Variants in MAPRE2 observed in about 807,000 individuals in gnomAD.
The protein encoded by MAPRE2 is microtubule-associated protein RP/EB family member 2.
MAPRE2 carries 13 observed loss-of-function variants against 43.2 expected under a neutral mutation model. The observed-to-expected ratio is 0.30, with a 90% CI of 0.20 to 0.48. The LOEUF (loss-of-function observed/expected upper bound fraction) is 0.48, where lower values mean the gene tolerates loss of function less well. Among genes scored for constraint, MAPRE2 ranks in the 20% least tolerant of loss-of-function variants. The pLI is 0.99. For missense variants in MAPRE2, 161 were observed against 400.2 expected, an observed-to-expected ratio of 0.40 and a Z score of 5.10; for synonymous variants, 135 against 148.8, an observed-to-expected ratio of 0.91 and a Z score of 0.68.
At chr18:35,069,093 G>C (rs902808084) in intron 1 of MAPRE2, among the ~76,000 whole-genome samples, 1 of 152,162 alleles carries the variant, frequency 6.6e-6, no homozygotes, top group Non-Finnish European at 1.5e-5. Context: ...GAGGACAGCG[G>C]AACATGTTAA....
At chr18:34,979,357 G>T (rs1163522516) in intron 1 of MAPRE2, among the ~76,000 whole-genome samples, 2 of 152,200 alleles carry the variant, frequency 1.3e-5, no homozygotes, top group Admixed American at 6.5e-5. Context: ...GCTGCACAGC[G>T]ATCCCAGTGA....
Position 35,064,890 on chromosome 18 carries a change from G to A in MAPRE2, c.123-5305G>A, listed in dbSNP as rs78992744. ...GGCTTTCCTTTTTCTAAAGTCATGT[G>A]TATCAGTGGTCACTATCCACAGACA... On this transcript the variant is annotated intron_variant, in intron 1 of 6. Coordinates refer to ENST00000300249, the MANE Select transcript of MAPRE2 (RefSeq NM_014268.4). Among the ~76,000 whole-genome samples, 8 of 152,334 alleles carry A rather than the reference G, an allele frequency of 5.3e-5. No individual in the cohort carries two copies. The East Asian group carries it at 1.5e-3, about 29-fold the overall frequency.
chr18:35,072,679 G>A (rs1477489879), intron 2 of MAPRE2, among the ~76,000 whole-genome samples: 4 of 152,144 alleles, frequency 2.6e-5, no homozygotes, highest in Non-Finnish European at 5.9e-5. Flanking sequence ...AATTTTAAGG[G>A]ACATTTGTAA....
intron 1 of MAPRE2, among the ~76,000 whole-genome samples, chr18:35,003,081 G>A (rs1208520560): frequency 6.6e-6 from 1 of 152,104 alleles, no homozygotes; most frequent in African/African-American, 2.4e-5. Flanking sequence ...CGTAAAGTGT[G>A]AGACTTGCAG....
intron 1 of MAPRE2, among the ~76,000 whole-genome samples, chr18:34,990,489 T>C (rs557256021): frequency 3.5e-4 from 53 of 152,268 alleles, no homozygotes; most frequent in African/African-American, 1.2e-3. Flanking sequence ...TTGGGATATT[T>C]TTGTCTGGAA....
At chr18:35,008,894 C>A (rs1443002624) in intron 2 of MAPRE2, among the ~76,000 whole-genome samples, 3 of 152,002 alleles carry the variant, frequency 2.0e-5, no homozygotes, top group African/African-American at 7.2e-5. Context: ...TTAATTTATT[C>A]AATAGTATTT....
intron 1 of MAPRE2, among the ~76,000 whole-genome samples, chr18:35,003,788 A>C (rs150292577): frequency 1.6e-4 from 25 of 152,354 alleles, no homozygotes; most frequent in Non-Finnish European, 3.7e-4. Flanking sequence ...TGAAGGACTT[A>C]AGAATAGAAA....
At chr18:35,137,036 G>GT (rs1910420297) in intron 6 of MAPRE2, among the ~76,000 whole-genome samples, 2 of 152,188 alleles carry the variant, frequency 1.3e-5, no homozygotes, top group Non-Finnish European at 2.9e-5. Flanking sequence ...GAAAAAGATT[G>GT]TTTTTTCCTG....
chr18:35,053,189 T>C (rs879532486), intron 1 of MAPRE2, among the ~76,000 whole-genome samples: 2 of 151,876 alleles, frequency 1.3e-5, no homozygotes, highest in African/African-American at 2.4e-5. Flanking sequence ...AGGTCAGGAG[T>C]TTGAGATCAG....
chr18:35,034,208 A>G (rs1184939708), intron 2 of MAPRE2, among the ~76,000 whole-genome samples: 7 of 152,018 alleles, frequency 4.6e-5, no homozygotes, highest in South Asian at 4.2e-4. Context: ...AAATAACGCC[A>G]CATATCTACA....
intron 2 of MAPRE2, among the ~76,000 whole-genome samples, chr18:35,086,096 A>T (rs977102587): frequency 6.6e-6 from 1 of 152,186 alleles, no homozygotes; most frequent in African/African-American, 2.4e-5. Context: ...TCCCTCAGTG[A>T]TATAGGCATC....
chr18:35,088,621 A>G (rs756047375), intron 2 of MAPRE2, among the ~76,000 whole-genome samples: 5 of 152,182 alleles, frequency 3.3e-5, no homozygotes, highest in Non-Finnish European at 5.9e-5. Flanking sequence ...ATGGCACAAA[A>G]GTCTGTGTAT....
intron 1 of MAPRE2, chr18:34,978,498 G>T (rs1441948005): frequency 1.3e-6 from 2 of 1,551,434 alleles, no homozygotes; most frequent in African/African-American, 1.4e-5. Flanking sequence ...TTACACTTTT[G>T]CTGAATAGGA....
chr18:35,082,054 G>T (rs1357843857), intron 2 of MAPRE2: 1 of 73,362 alleles, frequency 1.4e-5, no homozygotes, highest in Non-Finnish European at 2.1e-5. Flanking sequence ...ACTTTGGGAG[G>T]CCGAGGCGGG....
chr18:35,034,372 G>A (rs2097049372), intron 2 of MAPRE2, among the ~76,000 whole-genome samples: 1 of 152,086 alleles, frequency 6.6e-6, no homozygotes, highest in Admixed American at 6.6e-5. Flanking sequence ...AATTCAAGAT[G>A]GATTAAAGAC....
At chr18:35,110,041 G>A (rs1395586670) in intron 4 of MAPRE2, among the ~76,000 whole-genome samples, 1 of 152,104 alleles carries the variant, frequency 6.6e-6, no homozygotes, top group East Asian at 1.9e-4. Context: ...ATATATTCTT[G>A]TTTTTTCACA....
chr18:35,074,171 G>C (rs1235364315), intron 2 of MAPRE2, among the ~76,000 whole-genome samples: 5 of 152,278 alleles, frequency 3.3e-5, no homozygotes, highest in Non-Finnish European at 4.4e-5. Flanking sequence ...AATAATTGTA[G>C]ATTTTCCATG....
At chr18:35,091,230 A>T (rs1200743228) in intron 2 of MAPRE2, among the ~76,000 whole-genome samples, 3 of 152,168 alleles carry the variant, frequency 2.0e-5, no homozygotes, top group Non-Finnish European at 4.4e-5. Flanking sequence ...ACCTAATCTC[A>T]TGTGACAGTT....
intron 1 of MAPRE2, among the ~76,000 whole-genome samples, chr18:35,003,247 T>A (rs896893719): frequency 2.0e-5 from 3 of 152,184 alleles, no homozygotes; most frequent in Non-Finnish European, 2.9e-5. Context: ...GAACTTATGA[T>A]GATGGAGTGA....
Sources: gnomAD v4.1 joint callset for allele counts (sites outside exome capture counted in the v4.1 genomes callset) on GRCh38, gnomAD v4.1.1 for gene constraint, MANE v1.5 for transcripts, NCBI Gene and HGNC (gene_info 2026-07-23, HGNC 2026-07-21) for gene names.